The following HIBADH variants were observed in gnomAD, a reference collection of about 807,000 sequenced individuals.
The protein encoded by HIBADH is 3-hydroxyisobutyrate dehydrogenase, mitochondrial.
In HIBADH, 25 loss-of-function variants were observed where a neutral mutation model predicts 36.1. That is an observed-to-expected ratio of 0.69 (90% CI 0.50 to 0.97). The LOEUF (loss-of-function observed/expected upper bound fraction) is 0.97, where lower values mean the gene tolerates loss of function less well. HIBADH is among the 50% of genes least tolerant of loss of function. The pLI is 0.00. For missense variants in HIBADH, 421 were observed against 418.0 expected, an observed-to-expected ratio of 1.01 and a Z score of -0.06; for synonymous variants, 160 against 149.5, an observed-to-expected ratio of 1.07 and a Z score of -0.51.
chr7:27,660,863 C>T (rs42087), intron 1 of HIBADH, among the ~76,000 whole-genome samples: 31,250 of 152,010 alleles, frequency 0.21, 3,608 homozygotes, highest in Non-Finnish European at 0.27. Flanking sequence ...TACAGAGGCA[C>T]GTATTACAGT....
At position 27,613,378 on chromosome 7, in the gene HIBADH, T is replaced by C. The variant is rs73684005; in HGVS notation, c.484+15993A>G. Reference sequence around the variant, plus strand: ...GTAGAAAGAGCCTCGTTTAGATAGATAGACAGATAAAGCACAACAACAAAA... The same window carrying C: ...GTAGAAAGAGCCTCGTTTAGATAGACAGACAGATAAAGCACAACAACAAAA... On this transcript the variant is annotated intron_variant, in intron 4 of 7. Transcript: ENST00000265395. Among the ~76,000 whole-genome samples the C allele has an allele frequency of 6.6e-4, 97 of 146,540 alleles. 1 individual carries two copies. Among genetic ancestry groups the C allele is most frequent in the African/African-American group, 2.0e-3 (81 of 40,052 alleles).
chr7:27,562,656 C>T (rs2128186978), intron 4 of HIBADH, among the ~76,000 whole-genome samples: 1 of 152,272 alleles, frequency 6.6e-6, no homozygotes, highest in African/African-American at 2.4e-5. Context: ...CAATGCTTAG[C>T]TATGTTGCCC....
chr7:27,602,753 T>C (rs577493677), intron 4 of HIBADH, among the ~76,000 whole-genome samples: 1 of 152,270 alleles, frequency 6.6e-6, no homozygotes, highest in East Asian at 1.9e-4. Context: ...AATTATGAAT[T>C]ATTTCACATC....
In HIBADH at chr7:27,599,189, G is replaced by A. The variant is rs73285171; in HGVS notation, c.484+30182C>T. Among the ~76,000 whole-genome samples the A allele has an allele frequency of 4.5e-3, 688 of 152,226 alleles. 5 individuals are homozygous for A. Among genetic ancestry groups the A allele is most frequent in the African/African-American group, 0.016 (644 of 41,536 alleles). The stretch of plus-strand genomic sequence containing the variant: ...ATATGATGTATGTACCAATTAGTCC[G>A]TCAGAGTTGTTATTTTGGATCCAAA... On this transcript the variant is annotated intron_variant, in intron 4 of 7. Transcript: ENST00000265395.
At chr7:27,613,333 G>C (rs1168848155) in intron 4 of HIBADH, among the ~76,000 whole-genome samples, 1 of 146,046 alleles carries the variant, frequency 6.8e-6, no homozygotes, top group African/African-American at 2.5e-5. Flanking sequence ...AGAATAAATT[G>C]AAAGAAGTTT....
intron 4 of HIBADH, among the ~76,000 whole-genome samples, chr7:27,607,063 T>A (rs1280213491): frequency 1.3e-5 from 2 of 152,198 alleles, no homozygotes; most frequent in African/African-American, 2.4e-5. Flanking sequence ...CCAGTGTTGC[T>A]CTATTTCCTA....
chr7:27,595,581 T>TA (rs1785020149), intron 4 of HIBADH, among the ~76,000 whole-genome samples: 1 of 10,160 alleles, frequency 9.8e-5, no homozygotes, highest in South Asian at 2.0e-3. Context: ...TAAGGGCAGG[T>TA]GTGTGTGTGT....
intron 7 of HIBADH, among the ~76,000 whole-genome samples, chr7:27,529,743 T>G (rs1241879926): frequency 6.6e-6 from 1 of 152,228 alleles, no homozygotes; most frequent in East Asian, 1.9e-4. Flanking sequence ...ATTGCCTCCG[T>G]TTTTGAAAGA....
At chr7:27,627,352 A>G (rs932480279) in intron 4 of HIBADH, among the ~76,000 whole-genome samples, 13 of 152,134 alleles carry the variant, frequency 8.5e-5, no homozygotes, top group African/African-American at 3.1e-4. Context: ...CTTCTTGACC[A>G]ATCAGCAATC....
chr7:27,623,442 C>A (rs186570608), intron 4 of HIBADH, among the ~76,000 whole-genome samples: 4 of 152,172 alleles, frequency 2.6e-5, no homozygotes, highest in Admixed American at 1.3e-4. Flanking sequence ...TCATCAAAAT[C>A]GGAATAAAGG....
chr7:27,629,580 G>C (rs1018373996), intron 3 of HIBADH, 88 bp from the exon 4 acceptor site: 2 of 854,042 alleles, frequency 2.3e-6, no homozygotes, highest in African/African-American at 3.5e-5. Flanking sequence ...CTGCTGAAAA[G>C]CTGCCATATA....
intron 2 of HIBADH, among the ~76,000 whole-genome samples, chr7:27,635,085 C>CGT (rs750481172): frequency 1.3e-3 from 89 of 67,928 alleles, no homozygotes; most frequent in Non-Finnish European, 2.2e-3. Context: ...TCTCTCTGTG[C>CGT]ATGTGTGTGT....
At chr7:27,595,483 G>C (rs190469493) in intron 4 of HIBADH, among the ~76,000 whole-genome samples, 48 of 152,074 alleles carry the variant, frequency 3.2e-4, no homozygotes, top group African/African-American at 1.1e-3. Flanking sequence ...GTGGCAGTGA[G>C]CCTAGATTGT....
intron 3 of HIBADH, among the ~76,000 whole-genome samples, chr7:27,631,027 T>G (rs1052485247): frequency 1.3e-5 from 2 of 152,150 alleles, no homozygotes; most frequent in Non-Finnish European, 2.9e-5. Context: ...AAATAAAGAA[T>G]CACCCATAAG....
At chr7:27,583,380 A>C (rs1489135801) in intron 4 of HIBADH, among the ~76,000 whole-genome samples, 1 of 152,074 alleles carries the variant, frequency 6.6e-6, no homozygotes, top group Non-Finnish European at 1.5e-5. Flanking sequence ...AAATACCTTC[A>C]CCAAAAGCCA....
At chr7:27,596,420 C>T (rs1270972031) in intron 4 of HIBADH, among the ~76,000 whole-genome samples, 1 of 152,194 alleles carries the variant, frequency 6.6e-6, no homozygotes, top group East Asian at 1.9e-4. Flanking sequence ...GGGATACATT[C>T]GGACCACAAC....
At chr7:27,557,442 T>C (rs1451270551) in intron 4 of HIBADH, among the ~76,000 whole-genome samples, 2 of 152,220 alleles carry the variant, frequency 1.3e-5, no homozygotes, top group African/African-American at 2.4e-5. Context: ...TATAGTTACA[T>C]ATTGTCTTAG....
At chr7:27,608,669 C>A (rs1328046152) in intron 4 of HIBADH, among the ~76,000 whole-genome samples, 1 of 152,140 alleles carries the variant, frequency 6.6e-6, no homozygotes, top group Non-Finnish European at 1.5e-5. Flanking sequence ...ATAGAGTATA[C>A]TGGAACTAGT....
In HIBADH at chr7:27,629,433, T is replaced by A. The variant is rs1785708464; in HGVS notation, c.422A>T (p.Lys141Ile). ...DSSTIDPAVSKELAKEVEKMG... is the reference protein window; with the variant it reads ...DSSTIDPAVSIELAKEVEKMG... ...TTTCTCAACTTCTTTGGCCAATTCT[T>A]TTGAAACTGCAGGATCAATAGTGCT... Residue 141 changes from lysine (K) to isoleucine (I), a missense_variant, in exon 4 of 8, where the codon AAA (lysine) becomes ATA (isoleucine). Physicochemically the swap from Lys to Ile is moderately radical, Grantham distance 102 (BLOSUM62 -3). Transcript: ENST00000265395. 1 of 1,611,694 alleles carries A rather than the reference T, an allele frequency of 6.2e-7. No individual in the cohort carries two copies. Among genetic ancestry groups the A allele is most frequent in the African/African-American group, 1.3e-5 (1 of 74,860 alleles).
Sources: gnomAD v4.1 joint callset for allele counts (sites outside exome capture counted in the v4.1 genomes callset) on GRCh38, gnomAD v4.1.1 for gene constraint, MANE v1.5 for transcripts, NCBI Gene and HGNC (gene_info 2026-07-23, HGNC 2026-07-21) for gene names.